The following DGKB variants were observed in gnomAD, a reference collection of about 807,000 sequenced individuals.
The protein encoded by DGKB is diacylglycerol kinase beta, also known as 90 kDa diacylglycerol kinase.
A neutral mutation model predicts 114.3 loss-of-function variants in DGKB; 67 were observed. The ratio of observed to expected loss-of-function variants is 0.59; its 90% CI spans 0.48 to 0.72. The LOEUF is 0.72. Among genes scored for constraint, DGKB ranks in the 30% least tolerant of loss-of-function variants. The pLI is 0.00. For synonymous variants in DGKB, 398 were observed against 323.1 expected, an observed-to-expected ratio of 1.23 and a Z score of -2.49; for missense variants, 907 against 975.2, an observed-to-expected ratio of 0.93 and a Z score of 0.93.
Position 14,762,496 on chromosome 7 carries a change from AT to A in DGKB, c.71-4766del, listed in dbSNP as rs146670317. On this transcript the variant is annotated intron_variant, in intron 2 of 25. Transcript: ENST00000402815. Reference sequence around the variant, plus strand: ...TCAAGAAAAATTAAAGACCCTTTACATTAGTCTGAATTGAAAATAAATAAAT... The same window carrying A: ...TCAAGAAAAATTAAAGACCCTTTACATAGTCTGAATTGAAAATAAATAAAT... Among the ~76,000 whole-genome samples the A allele has an allele frequency of 6.2e-3, 939 of 152,308 alleles. 3 individuals are homozygous for A. The highest frequency in any genetic ancestry group is 0.022 in the African/African-American group (899 of 41,568).
chr7:14,543,748 C>G (rs1175509647), intron 20 of DGKB, among the ~76,000 whole-genome samples: 1 of 152,092 alleles, frequency 6.6e-6, no homozygotes, highest in African/African-American at 2.4e-5. Flanking sequence ...TTGTTATGGC[C>G]ACAAATTTAA....
rs558235346 is a variant in DGKB at position 14,149,145 on chromosome 7, G to C, written c.2398C>G (p.Arg800Gly). The C allele has an allele frequency of 1.2e-6, 2 of 1,613,266 alleles. No individual in the cohort carries two copies. Among genetic ancestry groups the C allele is most frequent in the Non-Finnish European group, 1.7e-6 (2 of 1,179,360 alleles). Residue 800 changes from arginine to glycine, a missense_variant, in exon 26 of 26, where the codon CGA (arginine) becomes GGA (glycine). Transcript: ENST00000402815. ...FCSLVKRTRN[R>G]SKE ...ACAACACAGGATTATTCCTTGCTTC[G>C]GTTTCTTGTCCTTTTGACGAGGGAG...
chr7:14,802,970 A>C (rs1383101986), intron 2 of DGKB, among the ~76,000 whole-genome samples: 1 of 152,206 alleles, frequency 6.6e-6, no homozygotes, highest in Non-Finnish European at 1.5e-5. Flanking sequence ...AAAATATTAG[A>C]AAACGATAGT....
intron 1 of DGKB, among the ~76,000 whole-genome samples, chr7:14,884,870 T>C (rs1032318437): frequency 6.6e-6 from 1 of 151,986 alleles, no homozygotes; most frequent in Non-Finnish European, 1.5e-5. Context: ...TGATTAGATA[T>C]CTCTGAGTGA....
chr7:14,553,333 G>A (rs933401675), intron 20 of DGKB, among the ~76,000 whole-genome samples: 1 of 152,140 alleles, frequency 6.6e-6, no homozygotes, highest in Admixed American at 6.5e-5. Context: ...GACTAAATGA[G>A]AACTGGTTTT....
intron 2 of DGKB, chr7:14,816,544 GA>G (rs1364115639): frequency 6.6e-6 from 1 of 152,232 alleles, no homozygotes; most frequent in African/African-American, 2.4e-5. Flanking sequence ...AGTGAATAAA[GA>G]GCATGGATTA....
intron 12 of DGKB, among the ~76,000 whole-genome samples, chr7:14,675,159 CA>C (rs1258439100): frequency 6.6e-6 from 1 of 152,060 alleles, no homozygotes; most frequent in Admixed American, 6.6e-5. Flanking sequence ...GTGTTTACAG[CA>C]AGAAAGTGTT....
intron 5 of DGKB, among the ~76,000 whole-genome samples, chr7:14,720,473 T>TTGTATGTG (rs1189519206): frequency 6.6e-5 from 9 of 136,482 alleles, no homozygotes; most frequent in African/African-American, 2.3e-4. Flanking sequence ...CCCGGCTGAT[T>TTGTATGTG]TGTGTGTGTG....
At chr7:14,647,937 GGGCTTAAAAAAT>G (rs1813444540) in intron 13 of DGKB, among the ~76,000 whole-genome samples, 1 of 152,170 alleles carries the variant, frequency 6.6e-6, no homozygotes, top group Non-Finnish European at 1.5e-5. Context: ...CTTTTCTGAC[GGGCTTAAAAAAT>G]GGCGCACCAT....
chr7:14,487,544 C>A (rs376481264), intron 20 of DGKB, among the ~76,000 whole-genome samples: 1 of 150,838 alleles, frequency 6.6e-6, no homozygotes, highest in South Asian at 2.1e-4. Flanking sequence ...GCCTAGATTT[C>A]CATTTTACTC....
intron 21 of DGKB, among the ~76,000 whole-genome samples, chr7:14,437,085 C>A (rs551705584): frequency 2.0e-5 from 3 of 152,010 alleles, no homozygotes; most frequent in Admixed American, 1.3e-4. Flanking sequence ...GCAACCTCAG[C>A]AAACTATAAA....
At chr7:14,715,448 C>CT (rs1172870198) in intron 6 of DGKB, among the ~76,000 whole-genome samples, 1 of 152,056 alleles carries the variant, frequency 6.6e-6, no homozygotes, top group Non-Finnish European at 1.5e-5. Context: ...AGACCATGTC[C>CT]TTGTTCATTC....
chr7:14,588,917 T>C (rs565445721), intron 17 of DGKB, among the ~76,000 whole-genome samples: 7 of 152,058 alleles, frequency 4.6e-5, no homozygotes, highest in Admixed American at 6.6e-5. Flanking sequence ...ACTAAAATAA[T>C]AGTAAGAAAA....
In DGKB at chr7:14,594,649, G is replaced by A. The variant is rs553308794; in HGVS notation, c.1434-11512C>T. 3.9e-5 allele frequency among the ~76,000 whole-genome samples: 6 copies of A among 152,142 alleles called. No individual in the cohort carries two copies. In the South Asian group the frequency reaches 1.0e-3, roughly 26 times the overall value. On this transcript the variant is annotated intron_variant, in intron 17 of 25. Transcript: ENST00000402815. ...GTGATTAGGTTGCTGAAGACTGTTTGACAAATTTACTGAAATCCATTCTGT... is the reference window on the plus strand; with the variant it reads ...GTGATTAGGTTGCTGAAGACTGTTTAACAAATTTACTGAAATCCATTCTGT...
At chr7:14,240,701 A>G (rs1442701636) in intron 23 of DGKB, among the ~76,000 whole-genome samples, 1 of 152,108 alleles carries the variant, frequency 6.6e-6, no homozygotes, top group African/African-American at 2.4e-5. Flanking sequence ...ATTTACTTAT[A>G]GTGGTGAGAA....
intron 23 of DGKB, among the ~76,000 whole-genome samples, chr7:14,272,088 C>T (rs949504960): frequency 2.0e-5 from 3 of 152,134 alleles, no homozygotes; most frequent in Admixed American, 2.0e-4. Flanking sequence ...GCATATACAA[C>T]TTAATAATCT....
intron 5 of DGKB, 40 bp from the exon 6 acceptor site, chr7:14,718,725 CA>C (rs1397584549): frequency 6.9e-7 from 1 of 1,444,300 alleles, no homozygotes; most frequent in African/African-American, 1.4e-5. Flanking sequence ...TAATTATTTA[CA>C]GTGATCTCAA....
intron 20 of DGKB, among the ~76,000 whole-genome samples, chr7:14,570,780 G>C (rs1798267231): frequency 6.6e-6 from 1 of 151,910 alleles, no homozygotes; most frequent in Non-Finnish European, 1.5e-5. Context: ...CAAAATAGGT[G>C]GAGAAGGTAA....
intron 21 of DGKB, among the ~76,000 whole-genome samples, chr7:14,347,597 G>C (rs1035605348): frequency 6.6e-6 from 1 of 151,980 alleles, no homozygotes; most frequent in African/African-American, 2.4e-5. Context: ...GAGTACAACT[G>C]TGGTTATCAG....
Sources: allele counts gnomAD v4.1 joint callset (sites outside exome capture counted in the v4.1 genomes callset), GRCh38; gene constraint gnomAD v4.1.1; transcripts MANE v1.5; gene names NCBI Gene and HGNC (gene_info 2026-07-23, HGNC 2026-07-21).